The following ZCWPW2 variants were observed in gnomAD, a reference collection of about 807,000 sequenced individuals.
ZCWPW2 encodes zinc finger CW-type and PWWP domain containing 2, also known as zinc finger CW-type PWWP domain protein 2.
ZCWPW2 carries 45 observed loss-of-function variants against 46.6 expected under a neutral mutation model. The ratio of observed to expected loss-of-function variants is 0.96; its 90% confidence interval spans 0.76 to 1.24. The LOEUF is 1.24. ZCWPW2 is among the 50% of genes most tolerant of loss of function. The probability of loss-of-function intolerance (pLI) is 0.00; values close to 1 mark genes in which losing one functional copy is unlikely to be tolerated. For missense variants in ZCWPW2, 429 were observed against 403.9 expected, an observed-to-expected ratio of 1.06 and a Z score of -0.53; for synonymous variants, 152 against 137.1, an observed-to-expected ratio of 1.11 and a Z score of -0.76.
intron 1 of ZCWPW2, among the ~76,000 whole-genome samples, chr3:28,388,979 T>C (rs909039069): frequency 6.6e-6 from 1 of 152,204 alleles, no homozygotes; most frequent in Non-Finnish European, 1.5e-5. Flanking sequence ...TTTTTGGAAG[T>C]CAGGATCAAT....
At chr3:28,454,853 T>A (rs1189462161) in intron 4 of ZCWPW2, among the ~76,000 whole-genome samples, 1 of 152,244 alleles carries the variant, frequency 6.6e-6, no homozygotes, top group East Asian at 1.9e-4. Flanking sequence ...TCATGTTGTA[T>A]GTATACCACA....
chr3:28,455,268 C>T (rs571843291), intron 4 of ZCWPW2, among the ~76,000 whole-genome samples: 9 of 152,218 alleles, frequency 5.9e-5, no homozygotes, highest in South Asian at 2.1e-4. Context: ...TGCTTGTTGG[C>T]GGCATGTATG....
intron 4 of ZCWPW2, among the ~76,000 whole-genome samples, chr3:28,439,411 C>T (rs1333904722): frequency 6.6e-6 from 1 of 151,998 alleles, no homozygotes; most frequent in African/African-American, 2.4e-5. Flanking sequence ...TTAAATGGTG[C>T]CCACCCAATT....
At chr3:28,385,574 C>T (rs375922989) in intron 1 of ZCWPW2, among the ~76,000 whole-genome samples, 187 of 152,266 alleles carry the variant, frequency 1.2e-3, no homozygotes, top group African/African-American at 4.0e-3. Context: ...CATATCAGTA[C>T]ACATGATTAG....
At chr3:28,355,371 C>A (rs1266160167) in intron 1 of ZCWPW2, among the ~76,000 whole-genome samples, 1 of 152,246 alleles carries the variant, frequency 6.6e-6, no homozygotes. Flanking sequence ...AATGGAGGAA[C>A]ATTCCATGCT....
At chr3:28,376,085 T>C (rs1334756697) in intron 1 of ZCWPW2, among the ~76,000 whole-genome samples, 1 of 152,090 alleles carries the variant, frequency 6.6e-6, no homozygotes, top group Non-Finnish European at 1.5e-5. Flanking sequence ...ACTATTGTAA[T>C]CAGTGCTACA....
At chr3:28,375,750 T>TTTTTG (rs575222962) in intron 1 of ZCWPW2, among the ~76,000 whole-genome samples, 2 of 151,702 alleles carry the variant, frequency 1.3e-5, no homozygotes, top group African/African-American at 4.8e-5. Flanking sequence ...TTTTTTTTTT[T>TTTTTG]TGTGCTCATT....
intron 4 of ZCWPW2, among the ~76,000 whole-genome samples, chr3:28,461,931 A>G (rs888678900): frequency 6.6e-6 from 1 of 152,234 alleles, no homozygotes; most frequent in African/African-American, 2.4e-5. Context: ...CCACATAGCT[A>G]GGACATTCTT....
chr3:28,369,016 C>G (rs542601427), intron 1 of ZCWPW2, among the ~76,000 whole-genome samples: 1 of 152,174 alleles, frequency 6.6e-6, no homozygotes, highest in Admixed American at 6.5e-5. Context: ...CCATCAGGTC[C>G]TTTAAGGACT....
At chr3:28,453,536 C>T (rs1249806225) in intron 4 of ZCWPW2, among the ~76,000 whole-genome samples, 1 of 152,068 alleles carries the variant, frequency 6.6e-6, no homozygotes, top group Non-Finnish European at 1.5e-5. Flanking sequence ...ATAGCTTTCT[C>T]AATTTTCTAA....
At chr3:28,420,474 T>G (rs1470162930) in intron 3 of ZCWPW2, among the ~76,000 whole-genome samples, 1 of 152,058 alleles carries the variant, frequency 6.6e-6, no homozygotes, top group Non-Finnish European at 1.5e-5. Context: ...CACCCTCTAG[T>G]AGGCCCTGTG....
chr3:28,373,903 A>T (rs1390684507), intron 1 of ZCWPW2, among the ~76,000 whole-genome samples: 1 of 152,118 alleles, frequency 6.6e-6, no homozygotes. Flanking sequence ...TATTAATCCC[A>T]TCTCAGATGG....
At chr3:28,399,478 G>A (rs762744462) in intron 2 of ZCWPW2, among the ~76,000 whole-genome samples, 6 of 152,142 alleles carry the variant, frequency 3.9e-5, no homozygotes, top group South Asian at 2.1e-4. Flanking sequence ...AGGCCAACCA[G>A]CACAAAAGTA....
intron 1 of ZCWPW2, among the ~76,000 whole-genome samples, chr3:28,361,333 G>C (rs1704936736): frequency 6.6e-6 from 1 of 152,174 alleles, no homozygotes; most frequent in Non-Finnish European, 1.5e-5. Flanking sequence ...ACATGCGAAA[G>C]AATGAAATTG....
At chr3:28,472,803 TAA>T (rs1397419323) in intron 4 of ZCWPW2, among the ~76,000 whole-genome samples, 2 of 151,906 alleles carry the variant, frequency 1.3e-5, no homozygotes, top group Non-Finnish European at 2.9e-5. Context: ...AGAATGGCAG[TAA>T]ATATTTGCAA....
intron 1 of ZCWPW2, among the ~76,000 whole-genome samples, chr3:28,353,690 A>G (rs1704633870): frequency 6.6e-6 from 1 of 152,190 alleles, no homozygotes; most frequent in South Asian, 2.1e-4. Flanking sequence ...TTCTTTTTCC[A>G]AAATAAAACA....
chr3:28,468,076 A>G (rs1169247760), intron 4 of ZCWPW2, among the ~76,000 whole-genome samples: 3 of 152,162 alleles, frequency 2.0e-5, no homozygotes, highest in African/African-American at 7.2e-5. Context: ...GATAACACAG[A>G]GAAGGAATTT....
chr3:28,445,396 G>C (rs911813701), intron 4 of ZCWPW2, among the ~76,000 whole-genome samples: 1 of 151,926 alleles, frequency 6.6e-6, no homozygotes, highest in Non-Finnish European at 1.5e-5. Flanking sequence ...ATGAAATTTC[G>C]TGACAACAAC....
At chr3:28,457,255 A>G (rs1019953056) in intron 4 of ZCWPW2, among the ~76,000 whole-genome samples, 3 of 152,190 alleles carry the variant, frequency 2.0e-5, no homozygotes, top group African/African-American at 7.2e-5. Context: ...TGCATCACAT[A>G]TTTAACCATC....
Sources: allele counts gnomAD v4.1 joint callset (sites outside exome capture counted in the v4.1 genomes callset), GRCh38; gene constraint gnomAD v4.1.1; transcripts MANE v1.5; gene names NCBI Gene and HGNC (gene_info 2026-07-23, HGNC 2026-07-21).